The following EDAR variants were observed in gnomAD, a reference collection of about 807,000 sequenced individuals.
EDAR encodes the protein tumor necrosis factor receptor superfamily member EDAR.
EDAR carries 38 observed loss-of-function variants against 51.3 expected under a neutral mutation model. The ratio of observed to expected loss-of-function variants is 0.74; its 90% CI spans 0.57 to 0.97. The LOEUF (loss-of-function observed/expected upper bound fraction) is 0.97. Ranked by LOEUF, EDAR falls within the 50% of genes least tolerant of loss-of-function variation. The probability of loss-of-function intolerance (pLI) is 0.00; values close to 1 mark genes in which losing one functional copy is unlikely to be tolerated. For missense variants in EDAR, 528 were observed against 595.0 expected, an observed-to-expected ratio of 0.89 and a Z score of 1.17; for synonymous variants, 227 against 242.1, an observed-to-expected ratio of 0.94 and a Z score of 0.58.
intron 1 of EDAR, among the ~76,000 whole-genome samples, chr2:108,951,231 G>C (rs1205217610): frequency 6.6e-6 from 1 of 152,202 alleles, no homozygotes; most frequent in Non-Finnish European, 1.5e-5. Flanking sequence ...GTGTCTTGAA[G>C]GGTCTCAATA....
At chr2:108,942,362 A>T (rs1389772023) in intron 1 of EDAR, among the ~76,000 whole-genome samples, 2 of 152,224 alleles carry the variant, frequency 1.3e-5, no homozygotes, top group African/African-American at 4.8e-5. Flanking sequence ...TCTGGGAGCC[A>T]AGAGAAAGGC....
At chr2:108,900,569 A>AC (rs1359378578) in intron 11 of EDAR, among the ~76,000 whole-genome samples, 73 of 87,436 alleles carry the variant, frequency 8.3e-4, no homozygotes, top group Admixed American at 3.3e-3. Flanking sequence ...AGAAAAAAAA[A>AC]AAAACAAAAA....
At chr2:108,974,278 T>G (rs1353696160) in intron 1 of EDAR, among the ~76,000 whole-genome samples, 1 of 119,466 alleles carries the variant, frequency 8.4e-6, no homozygotes, top group Admixed American at 1.2e-4. Flanking sequence ...TGCAGTGAGC[T>G]GAGATCACAC....
At chr2:108,988,627 T>C (rs1338658736) in intron 1 of EDAR, among the ~76,000 whole-genome samples, 1 of 152,124 alleles carries the variant, frequency 6.6e-6, no homozygotes, top group Non-Finnish European at 1.5e-5. Flanking sequence ...GGGGCAAACC[T>C]GAGAAACATA....
intron 1 of EDAR, among the ~76,000 whole-genome samples, chr2:108,986,829 C>T (rs990874704): frequency 1.3e-5 from 2 of 152,140 alleles, no homozygotes; most frequent in African/African-American, 2.4e-5. Flanking sequence ...AGGACAGAAT[C>T]GTAGGCATTG....
intron 1 of EDAR, among the ~76,000 whole-genome samples, chr2:108,955,811 G>A (rs1375096317): frequency 6.6e-6 from 1 of 152,228 alleles, no homozygotes; most frequent in Admixed American, 6.5e-5. Context: ...CAGACCACAA[G>A]GTCAGGAGAT....
intron 1 of EDAR, among the ~76,000 whole-genome samples, chr2:108,933,700 C>T (rs78669678): frequency 0.014 from 2,135 of 152,264 alleles, 18 homozygotes; most frequent in Non-Finnish European, 0.022. Flanking sequence ...AGCCAGCCAC[C>T]CCAGTGGTGA....
chr2:108,937,476 T>C (rs1348915361), intron 1 of EDAR, among the ~76,000 whole-genome samples: 2 of 152,132 alleles, frequency 1.3e-5, no homozygotes, highest in East Asian at 3.8e-4. Context: ...TATGTGAGTG[T>C]GTGCATAAGA....
At chr2:108,943,606 A>C (rs1697651568) in intron 1 of EDAR, among the ~76,000 whole-genome samples, 1 of 152,000 alleles carries the variant, frequency 6.6e-6, no homozygotes, top group Non-Finnish European at 1.5e-5. Flanking sequence ...GCTTGGGAGG[A>C]CTCACTTCCG....
At chr2:108,903,581 A>G (rs1469773277) in intron 11 of EDAR, among the ~76,000 whole-genome samples, 1 of 152,226 alleles carries the variant, frequency 6.6e-6, no homozygotes, top group Non-Finnish European at 1.5e-5. Flanking sequence ...CAGCAACCCC[A>G]GAAAATAGAC....
rs1218695350 is a variant in EDAR at position 108,895,512 on chromosome 2, C to T, written c.*1395G>A. 1 of 152,174 alleles carries T rather than the reference C, an allele frequency of 6.6e-6. No individual in the cohort carries two copies. Among genetic ancestry groups the T allele is most frequent in the African/African-American group, 2.4e-5 (1 of 41,440 alleles). 9.4% of individuals were successfully genotyped at this position (152,174 alleles called of 1,614,324 possible). On this transcript the variant is annotated 3_prime_UTR_variant, in exon 12 of 12. Coordinates refer to ENST00000258443, the MANE Select transcript of EDAR (RefSeq NM_022336.4). Reference sequence around the variant, plus strand: ...TCTGCCTATAAATGTTATGTCAAACCATTGCAGTTATTGTGAAAATGCCAA... The same window carrying T: ...TCTGCCTATAAATGTTATGTCAAACTATTGCAGTTATTGTGAAAATGCCAA...
At chr2:108,948,743 C>T (rs1697765180) in intron 1 of EDAR, among the ~76,000 whole-genome samples, 2 of 152,168 alleles carry the variant, frequency 1.3e-5, no homozygotes, top group Admixed American at 6.5e-5. Context: ...CACCTCCCAC[C>T]AGGTCTCTCC....
chr2:108,916,303 C>T (rs568761343), intron 5 of EDAR, among the ~76,000 whole-genome samples: 8 of 152,284 alleles, frequency 5.3e-5, no homozygotes, highest in African/African-American at 1.9e-4. Context: ...CTCTTCTTGT[C>T]CCTTCCTGTC....
intron 1 of EDAR, among the ~76,000 whole-genome samples, chr2:108,942,125 C>G (rs1192321799): frequency 1.3e-5 from 2 of 152,244 alleles, no homozygotes; most frequent in Non-Finnish European, 2.9e-5. Flanking sequence ...ATCTCTCAGC[C>G]TGCTGAGCAT....
intron 1 of EDAR, among the ~76,000 whole-genome samples, chr2:108,967,659 G>T (rs1574410287): frequency 6.6e-6 from 1 of 152,256 alleles, no homozygotes; most frequent in East Asian, 1.9e-4. Context: ...AGGTGATTTT[G>T]ATCCTTTAAT....
intron 10 of EDAR, 103 bp downstream of exon 10, chr2:108,907,757 C>T (rs2105393622): frequency 7.3e-7 from 1 of 1,376,424 alleles, no homozygotes; most frequent in Non-Finnish European, 1.0e-6. Context: ...CTGGGAGAAA[C>T]ACCCCGTCTT....
chr2:108,944,356 C>T (rs1182913458), intron 1 of EDAR, among the ~76,000 whole-genome samples: 1 of 152,220 alleles, frequency 6.6e-6, no homozygotes, highest in East Asian at 1.9e-4. Flanking sequence ...TCAGGTAATC[C>T]ACCCGCCTTG....
chr2:108,910,198 T>G (rs1487250155), intron 9 of EDAR, among the ~76,000 whole-genome samples: 3 of 152,192 alleles, frequency 2.0e-5, no homozygotes, highest in Non-Finnish European at 4.4e-5. Context: ...AATTCGGATG[T>G]TAAGGAGGAA....
chr2:108,958,522 G>T (rs1188421367), intron 1 of EDAR, among the ~76,000 whole-genome samples: 1 of 152,136 alleles, frequency 6.6e-6, no homozygotes, highest in African/African-American at 2.4e-5. Flanking sequence ...AGAACAGGGG[G>T]GCATGGCAAG....
Sources: gnomAD v4.1 joint callset for allele counts (sites outside exome capture counted in the v4.1 genomes callset) on GRCh38, gnomAD v4.1.1 for gene constraint, MANE v1.5 for transcripts, NCBI Gene and HGNC (gene_info 2026-07-23, HGNC 2026-07-21) for gene names.